FAAH2: variants seen among roughly 807,000 people sequenced by gnomAD.
FAAH2 encodes fatty-acid amide hydrolase 2.
FAAH2 carries 60 observed loss-of-function variants against 36.9 expected under a neutral mutation model. The ratio of observed to expected loss-of-function variants is 1.63; its 90% confidence interval spans 1.32 to 2.02. The LOEUF (loss-of-function observed/expected upper bound fraction) is 2.02, where lower values mean the gene tolerates loss of function less well. Among genes scored for constraint, FAAH2 ranks in the 30% most tolerant of loss-of-function variants. The pLI is 0.00. For synonymous variants in FAAH2, 214 were observed against 143.8 expected, an observed-to-expected ratio of 1.49 and a Z score of -3.49; for missense variants, 689 against 397.5, an observed-to-expected ratio of 1.73 and a Z score of -6.23.
the FAAH2 span, among the ~76,000 whole-genome samples, chrX:57,240,890 C>T: frequency 1.3e-4 from 15 of 112,332 alleles, no homozygotes; most frequent in Non-Finnish European, 2.8e-4. Context: ...TAGGGGGATG[C>T]TCAGATCACA....
chrX:57,328,095 G>A (rs1342238963), intron 3 of FAAH2, among the ~76,000 whole-genome samples: 2 of 112,207 alleles, frequency 1.8e-5, no homozygotes, highest in Admixed American at 1.9e-4. Flanking sequence ...GGAGTTTGCT[G>A]GAGGTCCCCT....
intron 10 of FAAH2, among the ~76,000 whole-genome samples, chrX:57,454,395 C>T (rs1035188993): frequency 8.9e-6 from 1 of 111,756 alleles, no homozygotes; most frequent in African/African-American, 3.3e-5. Context: ...GAACTGGCAA[C>T]TCAAAAAGCC....
chrX:57,331,594 T>C lies in FAAH2; in HGVS notation c.413-4T>C. On this transcript the variant is annotated splice_polypyrimidine_tract_variant and splice_region_variant and intron_variant, in intron 3 of 10. Coordinates refer to ENST00000374900, the MANE Select transcript of FAAH2 (RefSeq NM_174912.4). ...TTAAACATTCTTTTCTGTGACTCTT[T>C]TAGGAATGCCCAATTCTTCTGGACT... The C allele has an allele frequency of 8.3e-7, 1 of 1,203,309 alleles. No individual in the cohort carries two copies.
chrX:57,228,746 C>G, the FAAH2 span, among the ~76,000 whole-genome samples: 1 of 111,995 alleles, frequency 8.9e-6, no homozygotes, highest in South Asian at 3.8e-4. Context: ...TCTGACACCT[C>G]TTTAGTTTCC....
the FAAH2 span, among the ~76,000 whole-genome samples, chrX:57,196,843 G>A: frequency 2.7e-5 from 3 of 111,385 alleles, no homozygotes; most frequent in South Asian, 1.1e-3. Context: ...ATAACCTAGT[G>A]ACAATGTGCC....
chrX:57,275,507 C>T, the FAAH2 span, among the ~76,000 whole-genome samples: 4 of 112,258 alleles, frequency 3.6e-5, no homozygotes, highest in Admixed American at 9.4e-5. Flanking sequence ...TAGGAAGAAA[C>T]TGAATCAATT....
At chrX:57,476,712 A>G (rs2057276175) in intron 10 of FAAH2, among the ~76,000 whole-genome samples, 1 of 111,512 alleles carries the variant, frequency 9.0e-6, no homozygotes, top group Admixed American at 9.6e-5. Context: ...AGATGCATTA[A>G]GGAGGAGGCC....
the FAAH2 span, among the ~76,000 whole-genome samples, chrX:57,176,319 G>C: frequency 9.1e-6 from 1 of 109,294 alleles, no homozygotes; most frequent in African/African-American, 3.3e-5. Context: ...TAATTCAAAA[G>C]CTTTCTCTTT....
chrX:57,248,709 C>A, the FAAH2 span, among the ~76,000 whole-genome samples: 5 of 94,409 alleles, frequency 5.3e-5, no homozygotes, highest in East Asian at 1.3e-3. Context: ...GCCAAGATCA[C>A]GCCATTGCAC....
intron 10 of FAAH2, among the ~76,000 whole-genome samples, chrX:57,482,775 T>C (rs1352221669): frequency 9.7e-6 from 1 of 102,602 alleles, no homozygotes; most frequent in Non-Finnish European, 2.0e-5. Flanking sequence ...TATGAAAGAG[T>C]TTGGCAGGAT....
intron 2 of FAAH2, among the ~76,000 whole-genome samples, chrX:57,304,434 C>T (rs1333468609): frequency 9.0e-6 from 1 of 111,651 alleles, no homozygotes; most frequent in Non-Finnish European, 1.9e-5. Context: ...AGTCTTTTGC[C>T]TTGGACATCC....
intron 7 of FAAH2, among the ~76,000 whole-genome samples, chrX:57,415,637 A>T (rs1336255399): frequency 9.0e-6 from 1 of 111,321 alleles, no homozygotes; most frequent in African/African-American, 3.3e-5. Context: ...GGAGTGTTTT[A>T]CTTTCAATTA....
chrX:57,213,640 A>G, the FAAH2 span, among the ~76,000 whole-genome samples: 1 of 112,099 alleles, frequency 8.9e-6, no homozygotes, highest in Non-Finnish European at 1.9e-5. Context: ...ATAGTTTCAA[A>G]AGTTCATTTT....
chrX:57,306,835 T>A (rs2052542923), intron 2 of FAAH2, among the ~76,000 whole-genome samples: 2 of 93,399 alleles, frequency 2.1e-5, no homozygotes, highest in Admixed American at 2.6e-4. Context: ...ATATATACTA[T>A]ATATGTACTA....
intron 3 of FAAH2, among the ~76,000 whole-genome samples, chrX:57,325,443 A>G (rs1019753320): frequency 9.0e-6 from 1 of 111,545 alleles, no homozygotes; most frequent in African/African-American, 3.3e-5. Flanking sequence ...CCTCTGGTAG[A>G]ATTCTGCTGT....
At chrX:57,148,117 C>A in the FAAH2 span, among the ~76,000 whole-genome samples, 16 of 108,518 alleles carry the variant, frequency 1.5e-4, no homozygotes, top group Non-Finnish European at 2.6e-4. Context: ...TTTCATTGGT[C>A]TATATCTCTG....
intron 2 of FAAH2, among the ~76,000 whole-genome samples, chrX:57,292,997 G>A (rs1034331866): frequency 2.7e-5 from 3 of 111,363 alleles, no homozygotes; most frequent in African/African-American, 6.5e-5. Context: ...TATCATATAC[G>A]TTACTTCTGT....
At chrX:57,257,804 A>G in the FAAH2 span, among the ~76,000 whole-genome samples, 1 of 111,483 alleles carries the variant, frequency 9.0e-6, no homozygotes, top group Non-Finnish European at 1.9e-5. Flanking sequence ...TCTATAGGAG[A>G]GTGATTAAGG....
chrX:57,147,745 T>C, the FAAH2 span, among the ~76,000 whole-genome samples: 6 of 111,868 alleles, frequency 5.4e-5, no homozygotes, highest in Admixed American at 5.7e-4. Context: ...CCCAGAAATT[T>C]ATAGGTTCTT....
Sources: allele counts gnomAD v4.1 joint callset (sites outside exome capture counted in the v4.1 genomes callset), GRCh38; gene constraint gnomAD v4.1.1; transcripts MANE v1.5; gene names NCBI Gene and HGNC (gene_info 2026-07-23, HGNC 2026-07-21).